Variants in NETO2 observed in about 807,000 individuals in gnomAD.
NETO2 encodes the protein neuropilin and tolloid-like protein 2.
In NETO2, 28 loss-of-function variants were observed where a neutral mutation model predicts 62.5. That is an observed-to-expected ratio of 0.45 (90% CI 0.33 to 0.61). The LOEUF is 0.61. NETO2 is among the 20% of genes least tolerant of loss of function. The pLI, the probability that NETO2 is intolerant of heterozygous loss-of-function variation, is 0.02. For missense variants in NETO2, 548 were observed against 643.2 expected (o/e 0.85, Z 1.60); for synonymous variants, 214 against 219.1 (o/e 0.98, Z 0.21).
At chr16:47,138,853 G>A (rs1024129886) in intron 1 of NETO2, among the ~76,000 whole-genome samples, 4 of 152,134 alleles carry the variant, frequency 2.6e-5, no homozygotes, top group South Asian at 2.1e-4. Context: ...CCTTCCGAGC[G>A]CTCTCTACTA....
rs1364948672 is a variant in NETO2 at position 47,079,418 on chromosome 16, A to G, written c.*3803T>C. ...AGACTATCCTGGCTAACACGGTGAA[A>G]CCCCGTCTCTACTAAAAATACAAGA... On this transcript the variant is annotated 3_prime_UTR_variant, in exon 9 of 9. Coordinates refer to ENST00000562435, the MANE Select transcript of NETO2 (RefSeq NM_018092.5). 1 of 150,364 alleles carries G rather than the reference A, an allele frequency of 6.7e-6. No individual in the cohort carries two copies. Among genetic ancestry groups the G allele is most frequent in the Non-Finnish European group, 1.5e-5 (1 of 67,770 alleles). The allele number at this position is 150,364 out of a possible 1,614,324, so 9.3% of individuals were successfully genotyped here. A position where few individuals can be genotyped will look rare whatever the true frequency, so the allele number is the denominator to read the frequency against.
chr16:47,100,836 A>G (rs1158325290), intron 7 of NETO2, among the ~76,000 whole-genome samples: 2 of 152,196 alleles, frequency 1.3e-5, no homozygotes, highest in Non-Finnish European at 2.9e-5. Context: ...AAAAAAGCCC[A>G]GGACCAGATG....
At chr16:47,097,942 T>C (rs185937932) in intron 7 of NETO2, among the ~76,000 whole-genome samples, 56 of 152,242 alleles carry the variant, frequency 3.7e-4, no homozygotes, top group Non-Finnish European at 6.2e-4. Flanking sequence ...GCCTGACTGT[T>C]AGAAGGAAAA....
chr16:47,102,887 C>A (rs1963586132), intron 7 of NETO2, among the ~76,000 whole-genome samples: 1 of 152,140 alleles, frequency 6.6e-6, no homozygotes, highest in Non-Finnish European at 1.5e-5. Flanking sequence ...TATGGAGACT[C>A]CTCAAGGATC....
chr16:47,120,943 T>C (rs946475426), intron 6 of NETO2, among the ~76,000 whole-genome samples: 1 of 152,026 alleles, frequency 6.6e-6, no homozygotes, highest in African/African-American at 2.4e-5. Context: ...TGTGCCGACA[T>C]GGTAACAAGG....
At position 47,079,863 on chromosome 16, in the gene NETO2, T is replaced by C. The variant is rs768353589; in HGVS notation, c.*3358A>G. 3 of 152,178 alleles carry C rather than the reference T, an allele frequency of 2.0e-5. No individual in the cohort carries two copies. Among genetic ancestry groups the C allele is most frequent in the Admixed American group, 6.5e-5 (1 of 15,276 alleles). The allele number at this position is 152,178 out of a possible 1,614,324, so 9.4% of individuals were successfully genotyped here. ...TTTTGCAATAAGAGTATAATCTCCT[T>C]TGAGAATTATTCCTGAAATCACAAC... On this transcript the variant is annotated 3_prime_UTR_variant, in exon 9 of 9. Transcript: ENST00000562435.
intron 6 of NETO2, among the ~76,000 whole-genome samples, chr16:47,121,179 T>C (rs1008171505): frequency 2.0e-5 from 3 of 152,222 alleles, no homozygotes; most frequent in East Asian, 1.9e-4. Context: ...TCATCTCTGT[T>C]TCCTTCTTGT....
In NETO2 at chr16:47,082,105, A is replaced by G. The variant is rs968589795; in HGVS notation, c.*1116T>C. On this transcript the variant is annotated 3_prime_UTR_variant, in exon 9 of 9. Coordinates refer to ENST00000562435, the MANE Select transcript of NETO2 (RefSeq NM_018092.5). ...CAATGAGCTTTTATGTTTATAAATT[A>G]TTGTTTTTATACCATAAAAAAAGTC... 1 of 152,600 alleles carries G rather than the reference A, an allele frequency of 6.6e-6. No homozygotes were observed. The highest frequency in any genetic ancestry group is 1.9e-4 in the East Asian group (1 of 5,206). The allele number at this position is 152,600 out of a possible 1,614,324, so 9.5% of individuals were successfully genotyped here.
In NETO2 at chr16:47,085,382, T is replaced by G. The variant is rs1196115652; in HGVS notation, c.997+844A>C. On this transcript the variant is annotated intron_variant, in intron 8 of 8. Transcript: ENST00000562435. ...AGGGCAAGGCATACCACGATATACTTTTTTTTTTTTTGGATGAGACGGAGT... is the reference window on the plus strand; with the variant it reads ...AGGGCAAGGCATACCACGATATACTGTTTTTTTTTTTGGATGAGACGGAGT... Among the ~76,000 whole-genome samples the G allele has an allele frequency of 2.7e-5, 4 of 147,282 alleles. No homozygotes were observed. The East Asian group carries it at 7.9e-4, about 29-fold the overall frequency.
Position 47,083,598 on chromosome 16 carries a change from A to G in NETO2, c.1201T>C (p.Phe401Leu). The G allele has an allele frequency of 1.9e-6, 3 of 1,614,152 alleles. No individual in the cohort carries two copies. The highest frequency in any genetic ancestry group is 2.5e-6 in the Non-Finnish European group (3 of 1,180,038). The change falls in exon 9 of 9, where the codon TTT (phenylalanine) becomes CTT (leucine). Residue 401 changes from phenylalanine (F) to leucine (L), a missense_variant. Physicochemically the swap from Phe to Leu is conservative, Grantham distance 22 (BLOSUM62 0). Transcript: ENST00000562435. ...EVFDPPHYEL[F>L]SLRDKEISAD... ...GAAATCTCTTTGTCCCTTAGTGAAA[A>G]CAGTTCATAATGAGGAGGATCAAAC...
At chr16:47,139,715 T>C (rs1964427099) in intron 1 of NETO2, among the ~76,000 whole-genome samples, 1 of 152,242 alleles carries the variant, frequency 6.6e-6, no homozygotes, top group South Asian at 2.1e-4. Flanking sequence ...AACTTTGGGA[T>C]CACTCCAGCC....
chr16:47,093,142 T>C (rs1963347731), intron 7 of NETO2, among the ~76,000 whole-genome samples: 1 of 152,176 alleles, frequency 6.6e-6, no homozygotes, highest in Non-Finnish European at 1.5e-5. Flanking sequence ...TGAGTCTACA[T>C]TTTCCCTTTG....
intron 6 of NETO2, among the ~76,000 whole-genome samples, chr16:47,110,487 T>C (rs1963772043): frequency 6.6e-6 from 1 of 152,238 alleles, no homozygotes; most frequent in Non-Finnish European, 1.5e-5. Flanking sequence ...TATCATGTTT[T>C]TTTGTGGGCA....
chr16:47,117,961 T>C (rs1596731453), intron 6 of NETO2, among the ~76,000 whole-genome samples: 1 of 152,286 alleles, frequency 6.6e-6, no homozygotes, highest in East Asian at 1.9e-4. Flanking sequence ...GATTTTTGGA[T>C]AGTTCTTAAT....
At chr16:47,123,547 C>T (rs1367368438) in intron 4 of NETO2, among the ~76,000 whole-genome samples, 1 of 151,094 alleles carries the variant, frequency 6.6e-6, no homozygotes, top group Non-Finnish European at 1.5e-5. Context: ...TATTTTTTAC[C>T]ACAATAAAAA....
chr16:47,083,325 G>A lies in NETO2; in HGVS notation c.1474C>T (p.Pro492Ser), dbSNP rs1285521835. ...SYTFKQGHEC[P>S]EQALEDRVME... is the part of the protein sequence containing the mutation. ...ACTCGGTCTTCCAGGGCCTGCTCAGGGCACTCATGTCCCTGTTTGAAAGTG... is the reference window on the plus strand; with the variant it reads ...ACTCGGTCTTCCAGGGCCTGCTCAGAGCACTCATGTCCCTGTTTGAAAGTG... Residue 492 changes from proline to serine, a missense_variant, in exon 9 of 9, where the codon CCT (proline) becomes TCT (serine). Pro to Ser is a moderately conservative substitution (Grantham distance 74). Coordinates refer to ENST00000562435, the MANE Select transcript of NETO2 (RefSeq NM_018092.5). 1 of 1,614,160 alleles carries A rather than the reference G, an allele frequency of 6.2e-7. No individual in the cohort carries two copies. The highest frequency in any genetic ancestry group is 8.5e-7 in the Non-Finnish European group (1 of 1,180,024).
At position 47,079,142 on chromosome 16, in the gene NETO2, A is replaced by T. The variant is rs982015718; in HGVS notation, c.*4079T>A. The T allele has an allele frequency of 6.7e-6, 1 of 150,104 alleles. No individual in the cohort carries two copies. Among genetic ancestry groups the T allele is most frequent in the Non-Finnish European group, 1.5e-5 (1 of 67,754 alleles). 9.3% of individuals were successfully genotyped at this position (150,104 alleles called of 1,614,324 possible). A position where few individuals can be genotyped will look rare whatever the true frequency, so the allele number is the denominator to read the frequency against. ...TAAAAATACAAAAAATTAGCCGGGC[A>T]TGGTGGCGGGCGCCTGTAGTCCCAG... On this transcript the variant is annotated 3_prime_UTR_variant, in exon 9 of 9. Coordinates refer to ENST00000562435, the MANE Select transcript of NETO2 (RefSeq NM_018092.5).
chr16:47,101,292 AT>A (rs1963537733), intron 7 of NETO2, among the ~76,000 whole-genome samples: 1 of 152,218 alleles, frequency 6.6e-6, no homozygotes, highest in Non-Finnish European at 1.5e-5. Context: ...TCTCCAAATA[AT>A]TAGAGGGATT....
intron 7 of NETO2, among the ~76,000 whole-genome samples, chr16:47,102,477 A>T (rs1440479293): frequency 6.6e-6 from 1 of 152,176 alleles, no homozygotes; most frequent in African/African-American, 2.4e-5. Context: ...ACAGCAAAAG[A>T]AACTATTATC....
Sources: gnomAD v4.1 joint callset for allele counts (sites outside exome capture counted in the v4.1 genomes callset) on GRCh38, gnomAD v4.1.1 for gene constraint, MANE v1.5 for transcripts, NCBI Gene and HGNC (gene_info 2026-07-23, HGNC 2026-07-21) for gene names.